Variants in FTO observed in about 807,000 individuals in gnomAD.
FTO encodes alpha-ketoglutarate-dependent dioxygenase FTO.
FTO carries 47 observed loss-of-function variants against 63.9 expected under a neutral mutation model. That is an observed-to-expected ratio of 0.74 (90% confidence interval 0.58 to 0.94). The LOEUF is 0.94. Ranked by LOEUF, FTO falls within the 40% of genes least tolerant of loss-of-function variation. FTO has a pLI of 0.00. For missense variants in FTO, 562 were observed against 618.1 expected (o/e 0.91, Z 0.96); for synonymous variants, 207 against 224.4 (o/e 0.92, Z 0.69).
rs1256195889 is a variant in FTO, at chr16:53,825,965, T to G, written c.225T>G (p.His75Gln). The change falls in exon 3 of 9, where the codon CAT (histidine) becomes CAG (glutamine). Residue 75 changes from histidine (H) to glutamine (Q), a missense_variant. His to Gln is a conservative substitution (Grantham distance 24, BLOSUM62 0). Transcript: ENST00000471389. Reference sequence around the variant, plus strand: ...AAGCCTTTCTCACACTGCACAAGCATGGCTGCTTATTTCGGGACCTGGTTA... The same window carrying G: ...AAGCCTTTCTCACACTGCACAAGCAGGGCTGCTTATTTCGGGACCTGGTTA... ...VQEAFLTLHK[H>Q]GCLFRDLVRI... 6.2e-7 allele frequency: 1 copy of G among 1,614,184 alleles called. No homozygotes were observed. Among genetic ancestry groups the G allele is most frequent in the Non-Finnish European group, 8.5e-7 (1 of 1,180,044 alleles).
At chr16:53,939,799 CT>C (rs1279080886) in intron 8 of FTO, among the ~76,000 whole-genome samples, 2 of 152,134 alleles carry the variant, frequency 1.3e-5, no homozygotes, top group East Asian at 1.9e-4. Flanking sequence ...GTACTTCATT[CT>C]TTTTTACTGC....
chr16:53,760,747 C>T (rs1241757397), intron 1 of FTO, among the ~76,000 whole-genome samples: 1 of 151,320 alleles, frequency 6.6e-6, no homozygotes, highest in African/African-American at 2.4e-5. Context: ...CTGCCTCAGC[C>T]TCCCAAATAG....
intron 8 of FTO, chr16:53,937,924 C>G (rs2082429038): frequency 6.6e-6 from 1 of 152,190 alleles, no homozygotes; most frequent in Non-Finnish European, 1.5e-5. Flanking sequence ...GCCCTGGCGT[C>G]TTTCCTAGAT....
intron 7 of FTO, among the ~76,000 whole-genome samples, chr16:53,904,035 A>G (rs1030838704): frequency 4.6e-5 from 7 of 151,752 alleles, no homozygotes; most frequent in African/African-American, 1.7e-4. Context: ...GACAATATAC[A>G]TATATGTTAT....
chr16:53,853,287 A>G (rs1311157451), intron 4 of FTO, among the ~76,000 whole-genome samples: 2 of 152,180 alleles, frequency 1.3e-5, no homozygotes, highest in Non-Finnish European at 2.9e-5. Context: ...CCTGGGTGAC[A>G]GAGCAGGACT....
chr16:53,941,125 C>T (rs1753571381), intron 8 of FTO, among the ~76,000 whole-genome samples: 1 of 152,212 alleles, frequency 6.6e-6, no homozygotes, highest in African/African-American at 2.4e-5. Context: ...CCTTCTGCCT[C>T]CTAGCTAGTC....
intron 1 of FTO, among the ~76,000 whole-genome samples, chr16:53,758,960 T>G (rs1004274075): frequency 1.3e-5 from 2 of 152,184 alleles, no homozygotes; most frequent in Admixed American, 6.6e-5. Context: ...TAATTACAAT[T>G]TGAATATTGT....
chr16:53,767,746 A>T (rs927396641), intron 1 of FTO, among the ~76,000 whole-genome samples: 19 of 152,214 alleles, frequency 1.2e-4, no homozygotes, highest in Non-Finnish European at 2.2e-4. Context: ...TTTATAGATC[A>T]GATTCTGAAG....
intron 8 of FTO, among the ~76,000 whole-genome samples, chr16:54,096,438 T>C (rs1355495840): frequency 2.6e-5 from 4 of 152,200 alleles, no homozygotes; most frequent in East Asian, 3.8e-4. Context: ...AACATATAAT[T>C]GTGCTCCTGT....
At chr16:53,900,608 C>CTTTTTTTTTTTTTTTTT (rs752080961) in intron 7 of FTO, among the ~76,000 whole-genome samples, 2 of 67,160 alleles carry the variant, frequency 3.0e-5, no homozygotes, top group East Asian at 6.3e-4. Flanking sequence ...TCATCTGCTC[C>CTTTTTTTTTTTTTTTTT]TTTTTTTTTT....
chr16:53,898,277 T>A (rs938309397), intron 7 of FTO, among the ~76,000 whole-genome samples: 1 of 152,128 alleles, frequency 6.6e-6, no homozygotes, highest in Non-Finnish European at 1.5e-5. Context: ...TGCCCAGGAT[T>A]TTTGCATGTG....
chr16:54,104,947 TAAG>T (rs1258114243), intron 8 of FTO, among the ~76,000 whole-genome samples: 1 of 152,230 alleles, frequency 6.6e-6, no homozygotes, highest in Non-Finnish European at 1.5e-5. Context: ...TTGTATCACA[TAAG>T]AAGAGGGATA....
chr16:54,004,425 G>A (rs754384967), intron 8 of FTO, among the ~76,000 whole-genome samples: 41 of 148,988 alleles, frequency 2.8e-4, no homozygotes, highest in Admixed American at 1.8e-3. Flanking sequence ...AATAAATGTC[G>A]TGGTTTTTTT....
At chr16:53,730,145 T>C (rs1156614146) in intron 1 of FTO, among the ~76,000 whole-genome samples, 2 of 152,176 alleles carry the variant, frequency 1.3e-5, no homozygotes, top group South Asian at 2.1e-4. Flanking sequence ...TATTCCATGA[T>C]TGATAGAGAG....
intron 1 of FTO, among the ~76,000 whole-genome samples, chr16:53,747,129 C>A (rs527303462): frequency 6.6e-6 from 1 of 152,264 alleles, no homozygotes; most frequent in Admixed American, 6.5e-5. Flanking sequence ...TTGGTTGATT[C>A]CATAAGTTGA....
intron 5 of FTO, among the ~76,000 whole-genome samples, chr16:53,877,809 A>C (rs566567316): frequency 1.0e-3 from 154 of 152,008 alleles, no homozygotes; most frequent in African/African-American, 3.6e-3. Context: ...TCCAGAAAAA[A>C]ATTATTCCAC....
At chr16:53,742,670 A>G (rs1477515554) in intron 1 of FTO, among the ~76,000 whole-genome samples, 1 of 152,204 alleles carries the variant, frequency 6.6e-6, no homozygotes, top group African/African-American at 2.4e-5. Context: ...GGAAGAAAAA[A>G]ATACATTGAT....
intron 4 of FTO, among the ~76,000 whole-genome samples, chr16:53,847,796 T>G (rs1031417817): frequency 1.3e-5 from 2 of 151,816 alleles, no homozygotes; most frequent in Non-Finnish European, 2.9e-5. Context: ...TGTATTTTAA[T>G]GAAAATATTA....
chr16:54,008,961 A>G (rs933992349), intron 8 of FTO, among the ~76,000 whole-genome samples: 4 of 151,826 alleles, frequency 2.6e-5, no homozygotes, highest in Non-Finnish European at 4.4e-5. Flanking sequence ...GCAGTGAGCT[A>G]TGATCATGCC....
Sources: gnomAD v4.1 joint callset for allele counts (sites outside exome capture counted in the v4.1 genomes callset) on GRCh38, gnomAD v4.1.1 for gene constraint, MANE v1.5 for transcripts, NCBI Gene and HGNC (gene_info 2026-07-23, HGNC 2026-07-21) for gene names.